MIA2: variants seen among roughly 807,000 people sequenced by gnomAD.
MIA2 encodes MIA SH3 domain ER export factor 2, also known as melanoma inhibitory activity protein 2.
In MIA2, 127 loss-of-function variants were observed where a neutral mutation model predicts 167.8. The ratio of observed to expected loss-of-function variants is 0.76; its 90% CI spans 0.66 to 0.88. The LOEUF (loss-of-function observed/expected upper bound fraction) is 0.88, where lower values mean the gene tolerates loss of function less well. Among genes scored for constraint, MIA2 ranks in the 40% least tolerant of loss-of-function variants. The probability of loss-of-function intolerance (pLI) is 0.00; values close to 1 mark genes in which losing one functional copy is unlikely to be tolerated. For missense variants in MIA2, 1,690 were observed against 1,624.7 expected (o/e 1.04, Z -0.69); for synonymous variants, 552 against 541.9 (o/e 1.02, Z -0.26).
At chr14:39,382,190 C>G (rs2075179217) in intron 23 of MIA2, among the ~76,000 whole-genome samples, 2 of 152,140 alleles carry the variant, frequency 1.3e-5, no homozygotes, top group Admixed American at 1.3e-4. Context: ...AGGAGTTGTA[C>G]AGCAAAATAA....
chr14:39,348,754 G>T lies in MIA2; in HGVS notation c.3849G>T (p.Val1283=). The change falls in exon 28 of 29, where the codon GTG becomes GTT. Residue 1283 remains valine (V), a synonymous_variant. Coordinates refer to ENST00000640607, the MANE Select transcript of MIA2 (RefSeq NM_001329214.4). ...DTKDDLGNLN[V]PDSSLPAENE... ...TCAATTTGTTGTAGAATTTAAATGTGCCTGATTCATCTCTCCCTGCTGAAA... is the reference window on the plus strand; with the variant it reads ...TCAATTTGTTGTAGAATTTAAATGTTCCTGATTCATCTCTCCCTGCTGAAA... 6.2e-7 allele frequency: 1 copy of T among 1,613,872 alleles called. No individual in the cohort carries two copies.
At chr14:39,312,049 C>G (rs960101077) in intron 18 of MIA2, among the ~76,000 whole-genome samples, 1 of 151,724 alleles carries the variant, frequency 6.6e-6, no homozygotes, top group Non-Finnish European at 1.5e-5. Context: ...AGGCTGGTCT[C>G]GAACTCCTGA....
Position 39,302,229 on chromosome 14 carries a change from C to T in MIA2, c.2720C>T (p.Ser907Leu), listed in dbSNP as rs778670981. The change falls in exon 15 of 29, where the codon TCG becomes TTG. Residue 907 changes from serine to leucine, a missense_variant. Physicochemically the swap from Ser to Leu is moderately radical, Grantham distance 145. Transcript: ENST00000640607. ...TTGGAATTAGAAATGAACAGTGAATCGGAAAATGGTGCTTACTTAGGTATT... is the reference window on the plus strand; with the variant it reads ...TTGGAATTAGAAATGAACAGTGAATTGGAAAATGGTGCTTACTTAGGTATT... ...DNLELEMNSE[S>L]ENGAYLDNPP... The T allele has an allele frequency of 4.0e-5, 65 of 1,613,590 alleles. No individual in the cohort carries two copies. The highest frequency in any genetic ancestry group is 1.6e-4 in the Middle Eastern group (1 of 6,078).
At position 39,267,228 on chromosome 14, in the gene MIA2, G is replaced by T. The variant is rs114353705; in HGVS notation, c.1888-9706G>T. On this transcript the variant is annotated intron_variant, in intron 6 of 28. Coordinates refer to ENST00000640607, the MANE Select transcript of MIA2 (RefSeq NM_001329214.4). The stretch of plus-strand genomic sequence containing the variant: ...TTGTGCGGGTCGGGCTCGGACCTGC[G>T]CTGCCTCGGGATGTAAAGTATAACA... The T allele has an allele frequency of 1.7e-3, 2,299 of 1,360,206 alleles. 32 individuals carry two copies. The African/African-American group carries it at 0.027, about 16-fold the overall frequency. 84.3% of individuals were successfully genotyped at this position (1,360,206 alleles called of 1,614,324 possible).
intron 22 of MIA2, 123 bp downstream of exon 22, chr14:39,318,134 T>C: frequency 1.5e-6 from 1 of 657,576 alleles, no homozygotes; most frequent in Non-Finnish European, 2.5e-6. Flanking sequence ...GAGATATCTA[T>C]TAGTTTTACT....
chr14:39,289,375 C>T (rs571817727), intron 9 of MIA2, among the ~76,000 whole-genome samples: 10 of 151,978 alleles, frequency 6.6e-5, no homozygotes, highest in South Asian at 2.1e-4. Context: ...TCACCACGCT[C>T]GGCTAATTTT....
intron 23 of MIA2, among the ~76,000 whole-genome samples, chr14:39,356,999 G>C (rs2074545435): frequency 6.6e-6 from 1 of 152,130 alleles, no homozygotes; most frequent in Admixed American, 6.5e-5. Context: ...GAATAAGTGT[G>C]GTGTGGTGCT....
intron 3 of MIA2, among the ~76,000 whole-genome samples, chr14:39,246,039 T>A (rs1321954492): frequency 6.6e-6 from 1 of 152,134 alleles, no homozygotes; most frequent in Non-Finnish European, 1.5e-5. Flanking sequence ...CTGAAAGCAT[T>A]GATTGCCTCT....
rs117836338 is a variant in MIA2, at chr14:39,309,187, T to C, written c.3017+600T>C. On this transcript the variant is annotated intron_variant, in intron 18 of 28. Coordinates refer to ENST00000640607, the MANE Select transcript of MIA2 (RefSeq NM_001329214.4). Reference sequence around the variant, plus strand: ...AATACCCGGCTTATTATAGTAGCCTTATGGGTAGTCTCCTTCTTTCCGCCC... The same window carrying C: ...AATACCCGGCTTATTATAGTAGCCTCATGGGTAGTCTCCTTCTTTCCGCCC... Among the ~76,000 whole-genome samples, 988 of 152,340 alleles carry C rather than the reference T, an allele frequency of 6.5e-3. 8 individuals are homozygous for C. The highest frequency in any genetic ancestry group is 0.011 in the Non-Finnish European group (769 of 68,026).
chr14:39,244,988 G>C (rs2054225500), intron 3 of MIA2, among the ~76,000 whole-genome samples: 1 of 151,652 alleles, frequency 6.6e-6, no homozygotes, highest in Admixed American at 6.6e-5. Context: ...ATGTTGCCCA[G>C]GCTGGGTATA....
At chr14:39,357,783 A>C (rs998711410) in intron 23 of MIA2, among the ~76,000 whole-genome samples, 1 of 152,120 alleles carries the variant, frequency 6.6e-6, no homozygotes, top group African/African-American at 2.4e-5. Flanking sequence ...GCTTGTCTGT[A>C]AAGTATTTTA....
chr14:39,381,141 G>C (rs994015224), intron 23 of MIA2, among the ~76,000 whole-genome samples: 11 of 152,142 alleles, frequency 7.2e-5, no homozygotes, highest in Non-Finnish European at 1.3e-4. Flanking sequence ...CTAAAAAGGA[G>C]TCTGGCATCT....
Position 39,247,727 on chromosome 14 carries a change from C to T in MIA2, c.1153C>T (p.Leu385=). The part of the protein sequence containing the change: ...PSWFDFGFAI[L]GFAYAKEDKI... Reference sequence around the variant, plus strand: ...TTGGTTTGATTTTGGTTTTGCTATACTAGGCTTTGCATATGCCAAGGAAGA... The same window carrying T: ...TTGGTTTGATTTTGGTTTTGCTATATTAGGCTTTGCATATGCCAAGGAAGA... Residue 385 remains leucine (L), a synonymous_variant, in exon 4 of 29, where the codon CTA becomes TTA. Transcript: ENST00000640607. 6.2e-7 allele frequency: 1 copy of T among 1,613,020 alleles called. No individual in the cohort carries two copies. The highest frequency in any genetic ancestry group is 8.5e-7 in the Non-Finnish European group (1 of 1,179,796).
At chr14:39,386,690 G>C (rs926898109) in intron 23 of MIA2, 1 of 1,177,494 alleles carries the variant, frequency 8.5e-7, no homozygotes, top group African/African-American at 1.5e-5. Context: ...TATTGTTATT[G>C]TTTTCTTGCC....
chr14:39,358,995 G>A (rs990781926), intron 23 of MIA2, among the ~76,000 whole-genome samples: 3 of 152,202 alleles, frequency 2.0e-5, no homozygotes, highest in African/African-American at 7.2e-5. Context: ...GCTACTCGGG[G>A]GTCAGGGACC....
intron 6 of MIA2, chr14:39,276,185 A>G (rs914430663): frequency 1.3e-5 from 2 of 152,250 alleles, no homozygotes; most frequent in African/African-American, 4.8e-5. Flanking sequence ...AAGGATGAGT[A>G]ATGAGCTGAC....
chr14:39,249,327 G>C (rs1566597709), intron 4 of MIA2, among the ~76,000 whole-genome samples: 2 of 151,938 alleles, frequency 1.3e-5, no homozygotes, highest in Admixed American at 1.3e-4. Context: ...ATATGTCGTG[G>C]AGATGGGGTC....
intron 6 of MIA2, among the ~76,000 whole-genome samples, chr14:39,260,649 C>T (rs1654379044): frequency 6.6e-6 from 1 of 152,110 alleles, no homozygotes. Context: ...TTCTCCCATT[C>T]TTTAGGTTGC....
chr14:39,377,639 T>G (rs2075070109), intron 23 of MIA2, among the ~76,000 whole-genome samples: 1 of 152,152 alleles, frequency 6.6e-6, no homozygotes, highest in African/African-American at 2.4e-5. Context: ...AATAACCCAA[T>G]TTTACTTAAA....
Sources: allele counts gnomAD v4.1 joint callset (sites outside exome capture counted in the v4.1 genomes callset), GRCh38; gene constraint gnomAD v4.1.1; transcripts MANE v1.5; gene names NCBI Gene and HGNC (gene_info 2026-07-23, HGNC 2026-07-21).